TFEC: variants seen among roughly 807,000 people sequenced by gnomAD.
TFEC encodes the protein class E basic helix-loop-helix protein 34.
In TFEC, 31 loss-of-function variants were observed where a neutral mutation model predicts 41.6. That is an observed-to-expected ratio of 0.74 (90% confidence interval 0.56 to 1.01). The LOEUF (loss-of-function observed/expected upper bound fraction) is 1.01. TFEC is among the 50% of genes least tolerant of loss of function. TFEC has a pLI of 0.00. For missense variants in TFEC, 402 were observed against 404.1 expected (o/e 0.99, Z 0.04); for synonymous variants, 143 against 140.6 (o/e 1.02, Z -0.12).
intron 3 of TFEC, among the ~76,000 whole-genome samples, chr7:116,098,560 C>T (rs1041448655): frequency 1.4e-4 from 22 of 151,786 alleles, no homozygotes; most frequent in African/African-American, 5.1e-4. Flanking sequence ...AGTTCATCAA[C>T]ATATATAGAA....
chr7:116,091,632 T>G (rs952097608), intron 3 of TFEC, among the ~76,000 whole-genome samples: 1 of 152,166 alleles, frequency 6.6e-6, no homozygotes, highest in Non-Finnish European at 1.5e-5. Flanking sequence ...TCCAAATAGA[T>G]GTCAAAATTG....
intron 2 of TFEC, among the ~76,000 whole-genome samples, chr7:115,981,949 AG>A (rs903476846): frequency 1.3e-5 from 2 of 152,190 alleles, no homozygotes; most frequent in African/African-American, 4.8e-5. Flanking sequence ...GCCAGGTGCA[AG>A]GGTTAAGTGC....
chr7:115,985,807 A>G (rs1351433211), intron 1 of TFEC, among the ~76,000 whole-genome samples: 1 of 152,128 alleles, frequency 6.6e-6, no homozygotes, highest in Non-Finnish European at 1.5e-5. Context: ...ATTTCATTAA[A>G]ATGCCAGTGG....
intron 3 of TFEC, among the ~76,000 whole-genome samples, chr7:115,964,955 A>G (rs922320799): frequency 2.0e-5 from 3 of 151,592 alleles, no homozygotes; most frequent in Non-Finnish European, 4.4e-5. Context: ...TCTTAGCCCA[A>G]TGCATGGTAG....
intron 5 of TFEC, among the ~76,000 whole-genome samples, chr7:115,951,997 T>A (rs1791970646): frequency 6.6e-6 from 1 of 152,094 alleles, no homozygotes; most frequent in African/African-American, 2.4e-5. Context: ...TAGAAAAGGA[T>A]ATGAAGAAGA....
chr7:116,045,668 G>A (rs1584445637), intron 3 of TFEC, among the ~76,000 whole-genome samples: 2 of 152,370 alleles, frequency 1.3e-5, no homozygotes, highest in South Asian at 4.1e-4. Context: ...GAAATGCGGG[G>A]TTTGAGCCCC....
rs945232535 is a variant in TFEC, at chr7:116,129,422, C to T, written c.-68-17384G>A. 5.3e-5 allele frequency among the ~76,000 whole-genome samples: 8 copies of T among 151,420 alleles called. No homozygotes were observed. The East Asian group carries it at 7.7e-4, about 15-fold the overall frequency. On this transcript the variant is annotated intron_variant, in intron 1 of 8. Coordinates refer to the TFEC transcript ENST00000484212. ...AGTAAAATAAAATGTTAAGATGTCA[C>T]CTTTTTAAATACGGCATACAGAGAG...
intron 1 of TFEC, among the ~76,000 whole-genome samples, chr7:115,989,971 C>T (rs1323088561): frequency 2.0e-5 from 3 of 152,168 alleles, no homozygotes; most frequent in African/African-American, 7.2e-5. Flanking sequence ...TGGCAGGTAC[C>T]TCCTAGTAGG....
chr7:116,151,274 G>A (rs1239002486), intron 1 of TFEC, among the ~76,000 whole-genome samples: 2 of 126,972 alleles, frequency 1.6e-5, no homozygotes, highest in Non-Finnish European at 3.1e-5. Flanking sequence ...ATGGAGTCTC[G>A]CTCTGTCACC....
intron 3 of TFEC, among the ~76,000 whole-genome samples, chr7:116,078,040 T>A (rs1002849646): frequency 2.0e-5 from 3 of 151,980 alleles, no homozygotes; most frequent in Admixed American, 2.0e-4. Flanking sequence ...AAAACAACTA[T>A]CAGTAAATTT....
chr7:116,063,559 C>G (rs1796620874), intron 3 of TFEC, among the ~76,000 whole-genome samples: 1 of 152,130 alleles, frequency 6.6e-6, no homozygotes, highest in Non-Finnish European at 1.5e-5. Context: ...ATGGAGGTTG[C>G]AGTGAGCCAA....
In TFEC at chr7:115,978,352, T is replaced by G. The variant is rs998240629; in HGVS notation, c.181-4096A>C. 6.6e-5 allele frequency among the ~76,000 whole-genome samples: 10 copies of G among 152,298 alleles called. No individual in the cohort carries two copies. In the East Asian group the frequency reaches 1.5e-3, roughly 24 times the overall value. On this transcript the variant is annotated intron_variant, in intron 2 of 7. Coordinates refer to ENST00000265440, the MANE Select transcript of TFEC (RefSeq NM_012252.4). ...AAAATATATACAACTGTCAGAATTC[T>G]GTGGAAAAGTACATCAACACTTGCA...
rs1265992499 is a variant in TFEC, at chr7:115,936,933, A to G, written c.*3618T>C. Reference sequence around the variant, plus strand: ...GAAAGCCATGGTCACTGATATGCCTATAAACTGAGAAAATACCATCTGTAC... The same window carrying G: ...GAAAGCCATGGTCACTGATATGCCTGTAAACTGAGAAAATACCATCTGTAC... On this transcript the variant is annotated 3_prime_UTR_variant, in exon 8 of 8. Transcript: ENST00000265440. 1 of 151,628 alleles carries G rather than the reference A, an allele frequency of 6.6e-6. No individual in the cohort carries two copies. The highest frequency in any genetic ancestry group is 1.5e-5 in the Non-Finnish European group (1 of 67,678). The allele number at this position is 151,628 out of a possible 1,614,324, so 9.4% of individuals were successfully genotyped here.
At chr7:116,101,293 G>T (rs1183899328) in intron 3 of TFEC, among the ~76,000 whole-genome samples, 2 of 151,488 alleles carry the variant, frequency 1.3e-5, no homozygotes, top group African/African-American at 4.9e-5. Context: ...GGACTTGCCT[G>T]AGAGAGACAG....
At position 115,968,314 on chromosome 7, in the gene TFEC, T is replaced by C. The variant is rs1474495959; in HGVS notation, c.267+5856A>G. On this transcript the variant is annotated intron_variant, in intron 3 of 7. Transcript: ENST00000265440. ...CTGTGTGGAAACTTCTACACTAAAG[T>C]GAACTTTGGTTCTTCTTTGGACTTT... 2.1e-5 allele frequency: 32 copies of C among 1,492,056 alleles called. No individual in the cohort carries two copies. The East Asian group carries it at 3.0e-4, about 14-fold the overall frequency. The allele number at this position is 1,492,056 out of a possible 1,614,324, so 92.4% of individuals were successfully genotyped here.
intron 1 of TFEC, among the ~76,000 whole-genome samples, chr7:116,142,101 C>A (rs1214094680): frequency 6.6e-6 from 1 of 152,156 alleles, no homozygotes; most frequent in Admixed American, 6.5e-5. Flanking sequence ...AACCAGTGGG[C>A]AGCTGTCAGA....
chr7:116,062,628 G>T (rs1187500622), intron 3 of TFEC, among the ~76,000 whole-genome samples: 5 of 139,452 alleles, frequency 3.6e-5, no homozygotes, highest in Admixed American at 7.6e-5. Context: ...TGATTGATGG[G>T]CATTGGGCTG....
intron 3 of TFEC, among the ~76,000 whole-genome samples, chr7:116,049,997 T>A (rs113662533): frequency 0.011 from 1,741 of 152,328 alleles, 40 homozygotes; most frequent in African/African-American, 0.04. Context: ...GAGGGAAATT[T>A]ATAGCACTAA....
chr7:115,975,336 A>C (rs1793331766), intron 2 of TFEC, among the ~76,000 whole-genome samples: 1 of 152,254 alleles, frequency 6.6e-6, no homozygotes, highest in Middle Eastern at 3.4e-3. Context: ...TTTTATTTAT[A>C]TAACTACAGT....
Sources: allele counts gnomAD v4.1 joint callset (sites outside exome capture counted in the v4.1 genomes callset), GRCh38; gene constraint gnomAD v4.1.1; transcripts MANE v1.5; gene names NCBI Gene and HGNC (gene_info 2026-07-23, HGNC 2026-07-21).